TENM4: variants seen among roughly 807,000 people sequenced by gnomAD.
The protein encoded by TENM4 is teneurin-4.
In TENM4, 82 loss-of-function variants were observed where a neutral mutation model predicts 243.3. The observed-to-expected ratio is 0.34, with a 90% CI of 0.28 to 0.40. The LOEUF (loss-of-function observed/expected upper bound fraction) is 0.40, where lower values mean the gene tolerates loss of function less well. Among genes scored for constraint, TENM4 ranks in the 10% least tolerant of loss-of-function variants. The probability of loss-of-function intolerance (pLI) is 1.00; values close to 1 mark genes in which losing one functional copy is unlikely to be tolerated. For missense variants in TENM4, 3,138 were observed against 3,673.3 expected, an observed-to-expected ratio of 0.85 and a Z score of 3.77; for synonymous variants, 1,412 against 1,456.3, an observed-to-expected ratio of 0.97 and a Z score of 0.69.
At chr11:79,275,833 A>G (rs1856045968) in intron 2 of TENM4, among the ~76,000 whole-genome samples, 1 of 152,248 alleles carries the variant, frequency 6.6e-6, no homozygotes, top group Non-Finnish European at 1.5e-5. Flanking sequence ...GGTAATCCTT[A>G]GCATCCTGTA....
At chr11:78,923,499 T>C (rs1856491015) in intron 6 of TENM4, among the ~76,000 whole-genome samples, 1 of 152,112 alleles carries the variant, frequency 6.6e-6, no homozygotes, top group South Asian at 2.1e-4. Flanking sequence ...CATGGGAAGA[T>C]TTCCAGAAGT....
At chr11:78,833,146 CAAAA>C (rs1480599252) in intron 12 of TENM4, among the ~76,000 whole-genome samples, 1 of 152,064 alleles carries the variant, frequency 6.6e-6, no homozygotes, top group Non-Finnish European at 1.5e-5. Flanking sequence ...CCCCCTAAAT[CAAAA>C]TAATATATGT....
intron 2 of TENM4, among the ~76,000 whole-genome samples, chr11:79,222,842 A>G (rs572452731): frequency 6.1e-4 from 93 of 152,094 alleles, no homozygotes; most frequent in Non-Finnish European, 1.1e-3. Flanking sequence ...ACACTTTTTG[A>G]TAGGGTTGTT....
intron 6 of TENM4, among the ~76,000 whole-genome samples, chr11:78,908,002 T>C (rs916107120): frequency 2.6e-5 from 4 of 152,244 alleles, no homozygotes; most frequent in African/African-American, 9.6e-5. Context: ...CTTTGCTTCC[T>C]ACAAGTTCTT....
intron 1 of TENM4, among the ~76,000 whole-genome samples, chr11:79,356,531 A>C (rs934096542): frequency 2.0e-5 from 3 of 152,044 alleles, no homozygotes; most frequent in African/African-American, 7.2e-5. Context: ...TCTCCATTTG[A>C]CCCTGGTTAA....
At chr11:79,242,390 A>C (rs1282675900) in intron 2 of TENM4, among the ~76,000 whole-genome samples, 1 of 152,198 alleles carries the variant, frequency 6.6e-6, no homozygotes, top group Non-Finnish European at 1.5e-5. Context: ...AAATAAAAAT[A>C]AAAAACCAGA....
rs1351303794 is a variant in TENM4 at position 78,702,366 on chromosome 11, G to C, written c.4247C>G (p.Pro1416Arg). 1.9e-6 allele frequency: 3 copies of C among 1,613,724 alleles called. No homozygotes were observed. In the Admixed American group the frequency reaches 5.0e-5, roughly 27 times the overall value. ...LEWPTDLAIN[P>R]MDNSLYVLDN... is the part of the protein sequence containing the mutation. ...GAGGACATAAAGTGAGTTGTCCATT[G>C]GGTTGATGGCTAAGTCTGTGGGCCA... Residue 1416 changes from proline to arginine, a missense_variant, in exon 28 of 34, where the codon CCA becomes CGA. Transcript: ENST00000278550.
chr11:79,364,403 T>C (rs1857641660), intron 1 of TENM4, among the ~76,000 whole-genome samples: 1 of 152,132 alleles, frequency 6.6e-6, no homozygotes, highest in South Asian at 2.1e-4. Flanking sequence ...CACTATTTTT[T>C]CCCTGCCCAA....
intron 31 of TENM4, among the ~76,000 whole-genome samples, chr11:78,670,764 T>C (rs1858303702): frequency 6.6e-6 from 1 of 152,204 alleles, no homozygotes; most frequent in Non-Finnish European, 1.5e-5. Flanking sequence ...AGGCTTTCTC[T>C]CAGCCTCATC....
At chr11:78,996,044 C>T (rs1049230601) in intron 6 of TENM4, among the ~76,000 whole-genome samples, 4 of 152,112 alleles carry the variant, frequency 2.6e-5, no homozygotes, top group Non-Finnish European at 4.4e-5. Flanking sequence ...AGAAGAAAGC[C>T]GCAAGGAGGA....
At chr11:79,154,739 T>C (rs1321940766) in intron 3 of TENM4, among the ~76,000 whole-genome samples, 1 of 152,102 alleles carries the variant, frequency 6.6e-6, no homozygotes, top group African/African-American at 2.4e-5. Context: ...AGGAGTTTCC[T>C]CTACTCTACA....
intron 4 of TENM4, among the ~76,000 whole-genome samples, chr11:79,099,315 T>C (rs895981761): frequency 5.9e-5 from 9 of 152,132 alleles, no homozygotes; most frequent in Non-Finnish European, 1.2e-4. Context: ...GCCCCCCATA[T>C]AGTCTTCTGT....
In TENM4 at chr11:78,962,424, G is replaced by A. The variant is rs185142367; in HGVS notation, c.494-58901C>T. Among the ~76,000 whole-genome samples the A allele has an allele frequency of 2.2e-3, 325 of 148,668 alleles. 1 individual carries two copies. Among genetic ancestry groups the A allele is most frequent in the African/African-American group, 7.8e-3 (314 of 40,312 alleles). ...TGATTTTGAGGCACACGGGGAGGGG[G>A]AGGGAGCAAAATAAAACACTCATCA... On this transcript the variant is annotated intron_variant, in intron 6 of 33. Coordinates refer to ENST00000278550, the MANE Select transcript of TENM4 (RefSeq NM_001098816.3).
At chr11:79,395,968 T>G (rs535838370) in intron 1 of TENM4, among the ~76,000 whole-genome samples, 1 of 152,248 alleles carries the variant, frequency 6.6e-6, no homozygotes, top group Non-Finnish European at 1.5e-5. Context: ...ATAATATTAG[T>G]CTTAGTTTAT....
intron 1 of TENM4, among the ~76,000 whole-genome samples, chr11:79,368,986 T>C (rs1309683420): frequency 6.6e-6 from 1 of 152,238 alleles, no homozygotes; most frequent in Non-Finnish European, 1.5e-5. Flanking sequence ...TGAAGCTTTG[T>C]TGAGGGGGCT....
chr11:78,801,025 T>C (rs1221020894), intron 15 of TENM4, among the ~76,000 whole-genome samples: 1 of 152,170 alleles, frequency 6.6e-6, no homozygotes, highest in East Asian at 1.9e-4. Context: ...GCCTGGTACA[T>C]GCTAAATACT....
rs1023048380 is a variant in TENM4, at chr11:78,965,688, T to G, written c.494-62165A>C. Among the ~76,000 whole-genome samples the G allele has an allele frequency of 5.3e-5, 8 of 152,212 alleles. No individual in the cohort carries two copies. The East Asian group carries it at 1.5e-3, about 29-fold the overall frequency. ...AGCCCTCCCAGGCCTCGTCCCTGTCTCTTCTTTCTCCTACGCATTCCCTGG... is the reference window on the plus strand; with the variant it reads ...AGCCCTCCCAGGCCTCGTCCCTGTCGCTTCTTTCTCCTACGCATTCCCTGG... On this transcript the variant is annotated intron_variant, in intron 6 of 33. Coordinates refer to ENST00000278550, the MANE Select transcript of TENM4 (RefSeq NM_001098816.3).
chr11:78,856,415 A>C (rs1403906353), intron 10 of TENM4, among the ~76,000 whole-genome samples: 1 of 152,138 alleles, frequency 6.6e-6, no homozygotes, highest in Non-Finnish European at 1.5e-5. Flanking sequence ...GCATTCTTCC[A>C]AAGCAGTATG....
chr11:78,741,796 A>C (rs2135913196), intron 19 of TENM4, among the ~76,000 whole-genome samples: 1 of 152,314 alleles, frequency 6.6e-6, no homozygotes, highest in South Asian at 2.1e-4. Flanking sequence ...TTGAACGTAG[A>C]ACTCCGCAGT....
Sources: allele counts gnomAD v4.1 joint callset (sites outside exome capture counted in the v4.1 genomes callset), GRCh38; gene constraint gnomAD v4.1.1; transcripts MANE v1.5; gene names NCBI Gene and HGNC (gene_info 2026-07-23, HGNC 2026-07-21).